Variants in MDGA2 observed in about 807,000 individuals in gnomAD.
MDGA2 encodes the protein MAM domain-containing glycosylphosphatidylinositol anchor protein 2.
MDGA2 carries 40 observed loss-of-function variants against 117.8 expected under a neutral mutation model. The observed-to-expected ratio is 0.34, with a 90% CI of 0.26 to 0.44. MDGA2 has a LOEUF of 0.44. MDGA2 is among the 20% of genes least tolerant of loss of function. MDGA2 has a pLI of 1.00. For missense variants in MDGA2, 1,123 were observed against 1,250.6 expected, an observed-to-expected ratio of 0.90 and a Z score of 1.54; for synonymous variants, 452 against 439.0, an observed-to-expected ratio of 1.03 and a Z score of -0.37.
At chr14:47,098,767 T>C (rs930780244) in intron 5 of MDGA2, among the ~76,000 whole-genome samples, 3 of 152,062 alleles carry the variant, frequency 2.0e-5, no homozygotes, top group African/African-American at 7.2e-5. Context: ...CATCACATTT[T>C]AGTCAAATTA....
At chr14:47,195,175 T>C (rs909175493) in intron 3 of MDGA2, among the ~76,000 whole-genome samples, 1 of 152,062 alleles carries the variant, frequency 6.6e-6, no homozygotes, top group Non-Finnish European at 1.5e-5. Flanking sequence ...TATTTTCATG[T>C]GCACTTTACT....
intron 3 of MDGA2, among the ~76,000 whole-genome samples, chr14:47,191,084 G>C (rs1885092313): frequency 6.6e-6 from 1 of 151,942 alleles, no homozygotes; most frequent in African/African-American, 2.4e-5. Flanking sequence ...ATTTTTTTAA[G>C]TTCAAAAAGT....
intron 1 of MDGA2, among the ~76,000 whole-genome samples, chr14:47,627,029 C>G (rs777007015): frequency 3.0e-4 from 46 of 152,360 alleles, no homozygotes; most frequent in Non-Finnish European, 6.5e-4. Flanking sequence ...ACACACCAGT[C>G]GGCACCGTGT....
intron 3 of MDGA2, among the ~76,000 whole-genome samples, chr14:47,196,970 A>G (rs2139426028): frequency 6.6e-6 from 1 of 152,298 alleles, no homozygotes; most frequent in African/African-American, 2.4e-5. Flanking sequence ...CTCCAGCTGC[A>G]TTCATGTTGA....
chr14:47,042,122 G>A (rs1410944793), intron 7 of MDGA2, among the ~76,000 whole-genome samples: 4 of 152,046 alleles, frequency 2.6e-5, no homozygotes, highest in East Asian at 3.9e-4. Context: ...ATGTTCTCGA[G>A]TAGAATGTAT....
intron 1 of MDGA2, among the ~76,000 whole-genome samples, chr14:47,588,671 T>C (rs74046652): frequency 0.05 from 7,632 of 152,012 alleles, 637 homozygotes; most frequent in African/African-American, 0.17. Flanking sequence ...CTCCCATTTT[T>C]GAAGTTGTCC....
At chr14:47,522,343 A>G (rs10467791) in intron 1 of MDGA2, among the ~76,000 whole-genome samples, 19 of 114,620 alleles carry the variant, frequency 1.7e-4, no homozygotes, top group Admixed American at 2.5e-4. Context: ...GTGTGTATAT[A>G]TGTATATATA....
chr14:46,854,926 G>A, intron 15 of MDGA2, 98 bp downstream of exon 15: 1 of 1,131,690 alleles, frequency 8.8e-7, no homozygotes, highest in South Asian at 1.9e-5. Flanking sequence ...CTTATATCGT[G>A]GAATTTCTGA....
chr14:47,570,074 T>C (rs1433784615), intron 1 of MDGA2, among the ~76,000 whole-genome samples: 1 of 152,164 alleles, frequency 6.6e-6, no homozygotes, highest in Non-Finnish European at 1.5e-5. Context: ...GAAAAGGTTT[T>C]TTTTAAATCA....
intron 1 of MDGA2, among the ~76,000 whole-genome samples, chr14:47,417,590 A>G (rs1404625048): frequency 6.6e-6 from 1 of 152,124 alleles, no homozygotes; most frequent in East Asian, 1.9e-4. Context: ...TCTCACAGCA[A>G]TGTAGGCTTT....
intron 1 of MDGA2, among the ~76,000 whole-genome samples, chr14:47,365,207 C>T (rs1219111170): frequency 6.6e-6 from 1 of 152,204 alleles, no homozygotes; most frequent in Admixed American, 6.5e-5. Context: ...AGATGGGGTT[C>T]GTTTTTCTTC....
At chr14:47,216,089 C>A in intron 3 of MDGA2, among the ~76,000 whole-genome samples, 1 of 152,002 alleles carries the variant, frequency 6.6e-6, no homozygotes, top group Non-Finnish European at 1.5e-5. Flanking sequence ...CAGGCACAAC[C>A]CAGTCTGCAC....
intron 1 of MDGA2, among the ~76,000 whole-genome samples, chr14:47,336,587 A>G (rs1397876524): frequency 1.3e-5 from 2 of 151,930 alleles, no homozygotes; most frequent in African/African-American, 2.4e-5. Context: ...AAATTAAAGT[A>G]CCCACTTTGA....
At chr14:47,586,300 T>A (rs2138849980) in intron 1 of MDGA2, among the ~76,000 whole-genome samples, 1 of 152,026 alleles carries the variant, frequency 6.6e-6, no homozygotes, top group African/African-American at 2.4e-5. Flanking sequence ...CCTATGTTAG[T>A]CAATGAGATT....
intron 2 of MDGA2, among the ~76,000 whole-genome samples, chr14:47,224,821 T>C (rs149815132): frequency 2.0e-5 from 3 of 152,276 alleles, no homozygotes; most frequent in African/African-American, 4.8e-5. Flanking sequence ...CAGAGTTTAT[T>C]AGAGTTTTCA....
intron 1 of MDGA2, among the ~76,000 whole-genome samples, chr14:47,561,168 TTTG>T (rs1566516017): frequency 1.8e-5 from 2 of 111,522 alleles, no homozygotes; most frequent in Admixed American, 1.1e-4. Context: ...GTTTTGTTTT[TTTG>T]TTTGTTTGTT....
intron 3 of MDGA2, among the ~76,000 whole-genome samples, chr14:47,163,231 T>C (rs1883715341): frequency 6.6e-6 from 1 of 152,202 alleles, no homozygotes; most frequent in South Asian, 2.1e-4. Context: ...ACAATCTCCC[T>C]GCCTTCTTTG....
intron 1 of MDGA2, among the ~76,000 whole-genome samples, chr14:47,501,904 A>C (rs1303650627): frequency 1.3e-5 from 2 of 151,994 alleles, no homozygotes; most frequent in Non-Finnish European, 2.9e-5. Context: ...CTAGCAAACT[A>C]ACACACCATT....
At position 46,984,503 on chromosome 14, in the gene MDGA2, T is replaced by C. The variant is rs538023457; in HGVS notation, c.1820-26860A>G. Among the ~76,000 whole-genome samples, 233 of 152,138 alleles carry C rather than the reference T, an allele frequency of 1.5e-3. 1 individual carries two copies. The highest frequency in any genetic ancestry group is 5.4e-3 in the African/African-American group (226 of 41,542). The stretch of plus-strand genomic sequence containing the variant: ...GCTTTCTGCTCACACCATCTCTAAC[T>C]AGAAAATCAGTGCAATTATATCAAA... On this transcript the variant is annotated intron_variant, in intron 8 of 16. Coordinates refer to ENST00000399232, the MANE Select transcript of MDGA2 (RefSeq NM_001113498.3).
Sources: gnomAD v4.1 joint callset for allele counts (sites outside exome capture counted in the v4.1 genomes callset) on GRCh38, gnomAD v4.1.1 for gene constraint, MANE v1.5 for transcripts, NCBI Gene and HGNC (gene_info 2026-07-23, HGNC 2026-07-21) for gene names.